The following CDH20 variants were observed in gnomAD, a reference collection of about 807,000 sequenced individuals.
CDH20 encodes the protein cadherin-20.
In CDH20, 29 loss-of-function variants were observed where a neutral mutation model predicts 74.2. That is an observed-to-expected ratio of 0.39 (90% CI 0.29 to 0.53). The LOEUF (loss-of-function observed/expected upper bound fraction) is 0.53. CDH20 is among the 20% of genes least tolerant of loss of function. CDH20 has a pLI of 0.69. For synonymous variants in CDH20, 469 were observed against 405.4 expected (o/e 1.16, Z -1.88); for missense variants, 988 against 1,048.3 (o/e 0.94, Z 0.79).
chr18:61,460,187 A>AGGGATTAGAATTTTC (rs1443054909), intron 1 of CDH20, among the ~76,000 whole-genome samples: 1 of 152,226 alleles, frequency 6.6e-6, no homozygotes, highest in African/African-American at 2.4e-5. Flanking sequence ...GCTCACTGAA[A>AGGGATTAGAATTTTC]GGGATTAGAA....
rs1258200567 is a variant in CDH20, at chr18:61,555,139, T to C, written c.*444T>C. ...TTCTCCATTTAAGAGTTTTGCTGGC[T>C]CAAACCACAGAAACCAACCCACAAG... On this transcript the variant is annotated 3_prime_UTR_variant, in exon 12 of 12. Transcript: ENST00000262717. 3 of 995,274 alleles carry C rather than the reference T, an allele frequency of 3.0e-6. No individual in the cohort carries two copies. Among genetic ancestry groups the C allele is most frequent in the Non-Finnish European group, 1.2e-6 (1 of 836,426 alleles). 61.7% of individuals were successfully genotyped at this position (995,274 alleles called of 1,614,324 possible).
At position 61,499,230 on chromosome 18, in the gene CDH20, C is replaced by A; in HGVS notation, c.291C>A (p.Ile97=). Residue 97 remains isoleucine, a synonymous_variant, in exon 3 of 12, where the codon ATC becomes ATA. Coordinates refer to ENST00000262717, the MANE Select transcript of CDH20 (RefSeq NM_031891.4). ...GGGGAGACGGATCCATCAAATACAT[C>A]CTCTCGGGAGAAGGTGCTGGCATCG... ...MDRGDGSIKY[I]LSGEGAGIVF... is the part of the protein sequence containing the mutation. 4 of 1,609,938 alleles carry A rather than the reference C, an allele frequency of 2.5e-6. No homozygotes were observed. The highest frequency in any genetic ancestry group is 3.4e-6 in the Non-Finnish European group (4 of 1,177,444).
At chr18:61,360,217 A>T (rs1418452350) in intron 1 of CDH20, among the ~76,000 whole-genome samples, 5 of 152,122 alleles carry the variant, frequency 3.3e-5, no homozygotes, top group Non-Finnish European at 7.4e-5. Context: ...CTGCTAGATG[A>T]TCTGTAGGTT....
intron 1 of CDH20, among the ~76,000 whole-genome samples, chr18:61,386,971 A>G (rs1406042728): frequency 6.6e-6 from 1 of 152,190 alleles, no homozygotes; most frequent in African/African-American, 2.4e-5. Context: ...CATTTTACAA[A>G]GTTTTCTACA....
intron 1 of CDH20, among the ~76,000 whole-genome samples, chr18:61,388,255 C>G (rs954324349): frequency 6.6e-6 from 1 of 152,248 alleles, no homozygotes; most frequent in African/African-American, 2.4e-5. Context: ...GAAAGATCAG[C>G]ATGTAGAAAC....
rs1316700597 is a variant in CDH20, at chr18:61,353,742, C to T, written c.-153+19915C>T. On this transcript the variant is annotated intron_variant, in intron 1 of 11. Transcript: ENST00000262717. This position sits in a 1 kb window ranked among gnomAD's most constrained non-coding sequence, Gnocchi z 4.6. Reference sequence around the variant, plus strand: ...GCCAATACAGCAGCTACTAACTACACAAGGACGTTCAGCTTTAAACTTATG... The same window carrying T: ...GCCAATACAGCAGCTACTAACTACATAAGGACGTTCAGCTTTAAACTTATG... Among the ~76,000 whole-genome samples, 2 of 152,164 alleles carry T rather than the reference C, an allele frequency of 1.3e-5. No individual in the cohort carries two copies. The highest frequency in any genetic ancestry group is 2.9e-5 in the Non-Finnish European group (2 of 68,032).
chr18:61,515,029 C>A (rs1168842703), intron 6 of CDH20, among the ~76,000 whole-genome samples: 1 of 152,054 alleles, frequency 6.6e-6, no homozygotes, highest in African/African-American at 2.4e-5. Context: ...GGGCTCCACC[C>A]AGTTCGAGCT....
intron 1 of CDH20, among the ~76,000 whole-genome samples, chr18:61,382,475 A>G (rs1413540809): frequency 1.3e-5 from 2 of 152,192 alleles, no homozygotes; most frequent in African/African-American, 2.4e-5. Context: ...CCCACTCTTA[A>G]CATGGGGAAT....
intron 11 of CDH20, among the ~76,000 whole-genome samples, chr18:61,550,463 G>A (rs1218357150): frequency 6.6e-6 from 1 of 152,204 alleles, no homozygotes; most frequent in East Asian, 1.9e-4. Flanking sequence ...ACTATGAGCT[G>A]GGGCACCACA....
chr18:61,551,914 G>A (rs1913450350), intron 11 of CDH20, among the ~76,000 whole-genome samples: 1 of 152,158 alleles, frequency 6.6e-6, no homozygotes, highest in African/African-American at 2.4e-5. Flanking sequence ...GTTAAAAATG[G>A]TGTGCAAGGG....
At chr18:61,411,580 GTATATATATATATATATATATA>G (rs145701176) in intron 1 of CDH20, among the ~76,000 whole-genome samples, 28,186 of 149,716 alleles carry the variant, frequency 0.19, 3,219 homozygotes, top group Non-Finnish European at 0.24. Flanking sequence ...GTGTGTGTGT[GTATATATATATATATATATATA>G]TATATATATA....
intron 1 of CDH20, among the ~76,000 whole-genome samples, chr18:61,460,117 G>A (rs2144356498): frequency 6.6e-6 from 1 of 152,258 alleles, no homozygotes; most frequent in South Asian, 2.1e-4. Context: ...CCTAAATTCA[G>A]TATTCCATCC....
intron 2 of CDH20, among the ~76,000 whole-genome samples, chr18:61,492,565 A>G (rs12150747): frequency 0.32 from 48,521 of 152,076 alleles, 8,185 homozygotes; most frequent in East Asian, 0.48. Context: ...GCATCCACCC[A>G]TGGCCCATGC....
At chr18:61,439,275 G>A (rs1204793994) in intron 1 of CDH20, among the ~76,000 whole-genome samples, 1 of 152,096 alleles carries the variant, frequency 6.6e-6, no homozygotes, top group African/African-American at 2.4e-5. Flanking sequence ...TATTTTAAAT[G>A]TTATTTCAAA....
chr18:61,545,733 G>T (rs1025289546), intron 10 of CDH20, among the ~76,000 whole-genome samples: 2 of 152,196 alleles, frequency 1.3e-5, no homozygotes, highest in Non-Finnish European at 2.9e-5. Context: ...AAACAATAAG[G>T]AGACAAAGGA....
At chr18:61,374,925 G>T (rs1911167066) in intron 1 of CDH20, among the ~76,000 whole-genome samples, 1 of 152,142 alleles carries the variant, frequency 6.6e-6, no homozygotes, top group South Asian at 2.1e-4. Context: ...AATCTCTAAA[G>T]AGGTTATTTT....
At chr18:61,489,960 A>T (rs667447) in intron 1 of CDH20, among the ~76,000 whole-genome samples, 1 of 152,082 alleles carries the variant, frequency 6.6e-6, no homozygotes, top group African/African-American at 2.4e-5. Flanking sequence ...GTTGGATTTT[A>T]CTATTTTTTT....
intron 1 of CDH20, among the ~76,000 whole-genome samples, chr18:61,481,694 T>G (rs1910594459): frequency 6.6e-6 from 1 of 152,176 alleles, no homozygotes; most frequent in Non-Finnish European, 1.5e-5. Context: ...TACACATTAG[T>G]ATCATATTAA....
intron 1 of CDH20, among the ~76,000 whole-genome samples, chr18:61,372,616 G>GA (rs1911081344): frequency 6.6e-6 from 1 of 151,944 alleles, no homozygotes; most frequent in Non-Finnish European, 1.5e-5. Context: ...AAATGGTTGG[G>GA]AAAAAAATCA....
Sources: gnomAD v4.1 joint callset for allele counts (sites outside exome capture counted in the v4.1 genomes callset) on GRCh38, gnomAD v4.1.1 for gene constraint, Gnocchi (gnomAD v3.1) non-coding constraint, MANE v1.5 for transcripts, NCBI Gene and HGNC (gene_info 2026-07-23, HGNC 2026-07-21) for gene names.